The following CTBP2 variants were observed in gnomAD, a reference collection of about 807,000 sequenced individuals.
The protein encoded by CTBP2 is C-terminal binding protein 2.
A neutral mutation model predicts 80.3 loss-of-function variants in CTBP2; 30 were observed. That is an observed-to-expected ratio of 0.37 (90% CI 0.28 to 0.51). The LOEUF (loss-of-function observed/expected upper bound fraction) is 0.51, where lower values mean the gene tolerates loss of function less well. CTBP2 is among the 20% of genes least tolerant of loss of function. The pLI is 0.93. For missense variants in CTBP2, 1,212 were observed against 1,375.3 expected, an observed-to-expected ratio of 0.88 and a Z score of 1.88; for synonymous variants, 594 against 587.4, an observed-to-expected ratio of 1.01 and a Z score of -0.16.
At position 125,082,157 on chromosome 10, in the gene CTBP2, G is replaced by A. The variant is rs564625496; in HGVS notation, c.-102+28833C>T. Among the ~76,000 whole-genome samples the A allele has an allele frequency of 3.3e-5, 5 of 152,352 alleles. No individual in the cohort carries two copies. The East Asian group carries it at 5.8e-4, about 18-fold the overall frequency. ...GCCCAAGGTCAGGGCTGGCCACGCC[G>A]GAGCTGGGGGCTGCCCTCCTCCCCC... On this transcript the variant is annotated intron_variant, in intron 2 of 10. Transcript: ENST00000337195.
intron 1 of CTBP2, among the ~76,000 whole-genome samples, chr10:125,151,864 C>A (rs1406562374): frequency 1.3e-5 from 2 of 152,190 alleles, no homozygotes. Context: ...CGGGTCCGAG[C>A]GGCCCCGCCC....
In CTBP2 at chr10:125,003,313, C is replaced by T. The variant is rs199688093; in HGVS notation, c.1833+25G>A. On this transcript the variant is annotated intron_variant, in intron 2 of 8. Coordinates refer to ENST00000309035, the MANE Select transcript of CTBP2 (RefSeq NM_022802.3). ...GGAAACTGCCCAAGGTCAGTGCAGG[C>T]CCCGGCCGGGCAGGGTGGGCCCACC... 3.4e-5 allele frequency: 54 copies of T among 1,604,390 alleles called. No homozygotes were observed. In the African/African-American group the frequency reaches 6.5e-4, roughly 19 times the overall value.
chr10:125,003,171 G>T, intron 2 of CTBP2, 67 bp from the exon 5 acceptor site: 1 of 1,603,480 alleles, frequency 6.2e-7, no homozygotes, highest in Non-Finnish European at 8.5e-7. Flanking sequence ...ACTTGGCCTG[G>T]CCCCCTGGCC....
At chr10:125,131,436 GC>G (rs1856166928) in intron 1 of CTBP2, among the ~76,000 whole-genome samples, 2 of 152,198 alleles carry the variant, frequency 1.3e-5, no homozygotes, top group Admixed American at 6.5e-5. Flanking sequence ...GAAGGGAGGG[GC>G]AGAATCTACA....
rs1312564581 is a variant in CTBP2 at position 125,007,990 on chromosome 10, A to C, written c.1679-4498T>G. Among the ~76,000 whole-genome samples, 5 of 150,926 alleles carry C rather than the reference A, an allele frequency of 3.3e-5. No homozygotes were observed. In the East Asian group the frequency reaches 9.8e-4, roughly 30 times the overall value. ...AGACAGAGTTTCACTTTTGTTGCCC[A>C]GGCTGGAATGCAGTGGCACGATCTC... On this transcript the variant is annotated intron_variant, in intron 1 of 8. Coordinates refer to ENST00000309035, the MANE Select transcript of CTBP2 (RefSeq NM_022802.3).
intron 2 of CTBP2, among the ~76,000 whole-genome samples, chr10:125,054,719 GATAA>G (rs147563480): frequency 0.01 from 1,555 of 152,210 alleles, 26 homozygotes; most frequent in African/African-American, 0.036. Flanking sequence ...CAACAGAAAA[GATAA>G]AAACAGTAAT....
intron 1 of CTBP2, among the ~76,000 whole-genome samples, chr10:125,113,612 G>A (rs1400507816): frequency 6.6e-6 from 1 of 152,202 alleles, no homozygotes; most frequent in Admixed American, 6.5e-5. Flanking sequence ...AAAGGAAGGA[G>A]GGATGGAAAA....
chr10:125,048,637 G>A (rs904391443), intron 2 of CTBP2, among the ~76,000 whole-genome samples: 24 of 152,052 alleles, frequency 1.6e-4, no homozygotes, highest in Non-Finnish European at 3.4e-4. Flanking sequence ...TGGAGTCCCC[G>A]ACCCCAGGGA....
chr10:125,076,379 C>T (rs1474507755), intron 2 of CTBP2, among the ~76,000 whole-genome samples: 1 of 152,174 alleles, frequency 6.6e-6, no homozygotes, highest in Non-Finnish European at 1.5e-5. Context: ...AGCTCTGGCC[C>T]CTACACACCA....
intron 1 of CTBP2, among the ~76,000 whole-genome samples, chr10:125,128,583 G>A (rs895911046): frequency 1.3e-5 from 2 of 152,180 alleles, no homozygotes; most frequent in African/African-American, 4.8e-5. Context: ...CCCCCATCCT[G>A]CTAGTAGGGA....
intron 1 of CTBP2, among the ~76,000 whole-genome samples, chr10:125,121,111 A>C (rs1305239442): frequency 6.6e-6 from 1 of 152,212 alleles, no homozygotes; most frequent in Non-Finnish European, 1.5e-5. Context: ...AGACCAACCA[A>C]ATGGTAAGGA....
intron 2 of CTBP2, among the ~76,000 whole-genome samples, chr10:125,103,092 C>A (rs960047435): frequency 6.6e-6 from 1 of 152,204 alleles, no homozygotes; most frequent in Admixed American, 6.5e-5. Context: ...AAGAACACGG[C>A]GTGATTATCT....
chr10:125,146,885 A>G (rs1342772494), intron 1 of CTBP2, among the ~76,000 whole-genome samples: 1 of 152,144 alleles, frequency 6.6e-6, no homozygotes, highest in Non-Finnish European at 1.5e-5. Context: ...GTATCTGTGA[A>G]TGAATATCCT....
At chr10:125,057,422 C>A (rs1182868261) in intron 2 of CTBP2, among the ~76,000 whole-genome samples, 1 of 152,208 alleles carries the variant, frequency 6.6e-6, no homozygotes, top group African/African-American at 2.4e-5. Flanking sequence ...CTCTAAACAA[C>A]AGGCCAAACC....
chr10:125,085,588 C>T (rs972945880), intron 2 of CTBP2, among the ~76,000 whole-genome samples: 1 of 152,202 alleles, frequency 6.6e-6, no homozygotes, highest in Admixed American at 6.5e-5. Context: ...GGCGAAGAAC[C>T]TCCAACAGTA....
In CTBP2 at chr10:124,986,619, CTGTT is replaced by C. The variant is rs772988881; in HGVS notation, c.*2895_*2898del. 1.4e-4 allele frequency: 22 copies of C among 152,146 alleles called. No homozygotes were observed. Among genetic ancestry groups the C allele is most frequent in the Admixed American group, 5.9e-4 (9 of 15,274 alleles). 9.4% of individuals were successfully genotyped at this position (152,146 alleles called of 1,614,324 possible). Reference sequence around the variant, plus strand: ...AATCTTTGATATAATGTAAATGCTGCTGTTTGTTTCAAGTGGTGAATGTGTTGTT... The same window carrying C: ...AATCTTTGATATAATGTAAATGCTGCTGTTTCAAGTGGTGAATGTGTTGTT... On this transcript the variant is annotated 3_prime_UTR_variant, in exon 9 of 9. Coordinates refer to ENST00000309035, the MANE Select transcript of CTBP2 (RefSeq NM_022802.3).
intron 3 of CTBP2, among the ~76,000 whole-genome samples, chr10:125,037,133 T>C (rs1958987217): frequency 1.3e-5 from 2 of 152,208 alleles, no homozygotes; most frequent in African/African-American, 4.8e-5. Flanking sequence ...ACTTCTGTTA[T>C]AAAAAATTGG....
At chr10:124,992,547 T>C (rs564417970) in intron 8 of CTBP2, 148 bp downstream of exon 10, 2 of 582,678 alleles carry the variant, frequency 3.4e-6, no homozygotes, top group Non-Finnish European at 6.2e-6. Flanking sequence ...ATGGGGGCGG[T>C]GTACACAGTT....
rs112284497 is a variant in CTBP2 at position 125,116,329 on chromosome 10, G to A, written c.-205-5236C>T. The stretch of plus-strand genomic sequence containing the variant: ...TTTCTGGAAGCATGGTGTCTGTTAG[G>A]ACGAGTGAACGCCCTCTGCCTCACA... On this transcript the variant is annotated intron_variant, in intron 1 of 10. Coordinates refer to the CTBP2 transcript ENST00000337195. Among the ~76,000 whole-genome samples, 1,042 of 152,272 alleles carry A rather than the reference G, an allele frequency of 6.8e-3. 12 individuals are homozygous for A. The highest frequency in any genetic ancestry group is 0.023 in the African/African-American group (942 of 41,524).
Sources: gnomAD v4.1 joint callset for allele counts (sites outside exome capture counted in the v4.1 genomes callset) on GRCh38, gnomAD v4.1.1 for gene constraint, MANE v1.5 for transcripts, NCBI Gene and HGNC (gene_info 2026-07-23, HGNC 2026-07-21) for gene names.